The following DYSF variants were observed in gnomAD, a reference collection of about 807,000 sequenced individuals.
DYSF encodes dystrophy-associated fer-1-like 1.
Under a neutral mutation model 274.9 loss-of-function variants are expected in DYSF, and 212 were observed. The ratio of observed to expected loss-of-function variants is 0.77; its 90% confidence interval spans 0.69 to 0.86. DYSF has a LOEUF of 0.86. Ranked by LOEUF, DYSF falls within the 40% of genes least tolerant of loss-of-function variation. The pLI is 0.00. For synonymous variants in DYSF, 1,091 were observed against 1,078.7 expected, an observed-to-expected ratio of 1.01 and a Z score of -0.22; for missense variants, 2,666 against 2,783.2, an observed-to-expected ratio of 0.96 and a Z score of 0.95.
intron 16 of DYSF, 73 bp from the exon 17 acceptor site, chr2:71,539,084 G>A (rs919804129): frequency 1.4e-5 from 19 of 1,356,976 alleles, no homozygotes; most frequent in South Asian, 2.3e-5. Flanking sequence ...AACCGAGGCC[G>A]CATACTTCCT....
chr2:71,651,489 CA>C (rs1323345312), intron 42 of DYSF, among the ~76,000 whole-genome samples: 12 of 151,866 alleles, frequency 7.9e-5, no homozygotes, highest in Non-Finnish European at 1.5e-4. Flanking sequence ...CAAGAAGCAG[CA>C]AAAAATATGA....
At chr2:71,622,268 G>A (rs1320179601) in intron 41 of DYSF, among the ~76,000 whole-genome samples, 2 of 151,424 alleles carry the variant, frequency 1.3e-5, no homozygotes, top group African/African-American at 2.4e-5. Context: ...TCGAACTATC[G>A]CTAGAATATA....
chr2:71,645,896 G>GA (rs1272696478), intron 42 of DYSF, among the ~76,000 whole-genome samples: 22 of 152,178 alleles, frequency 1.4e-4, no homozygotes, highest in Admixed American at 5.2e-4. Flanking sequence ...AGACACATAG[G>GA]AAAGGCCCCA....
At chr2:71,574,478 G>T (rs2092633889) in intron 30 of DYSF, 107 bp downstream of exon 30, 2 of 1,382,416 alleles carry the variant, frequency 1.4e-6, no homozygotes, top group African/African-American at 2.9e-5. Context: ...TAGGACTTTT[G>T]GATGGAACGC....
chr2:71,675,679 G>A lies in DYSF; in HGVS notation c.5884+1383G>A, dbSNP rs367755032. Among the ~76,000 whole-genome samples, 7 of 152,270 alleles carry A rather than the reference G, an allele frequency of 4.6e-5. No homozygotes were observed. In the East Asian group the frequency reaches 1.2e-3, roughly 25 times the overall value. On this transcript the variant is annotated intron_variant, in intron 52 of 55. Coordinates refer to ENST00000410020, the MANE Select transcript of DYSF (RefSeq NM_001130987.2). ...ACTTATTATTTTGTACATAATTCCT[G>A]TAGAGGAATTAGAAAATGCAGGTAA...
At chr2:71,478,043 G>A (rs960705193) in intron 1 of DYSF, among the ~76,000 whole-genome samples, 10 of 129,224 alleles carry the variant, frequency 7.7e-5, no homozygotes, top group Admixed American at 6.9e-4. Context: ...GGAAGTTATA[G>A]TTTTTTTTTT....
chr2:71,465,577 G>T (rs142628482), upstream of DYSF, among the ~76,000 whole-genome samples: 2 of 152,350 alleles, frequency 1.3e-5, no homozygotes, highest in African/African-American at 4.8e-5. Flanking sequence ...GGGGGCAGGT[G>T]TGGAGGAGGC....
Position 71,553,986 on chromosome 2 carries a change from C to T in DYSF, c.2109+55C>T, listed in dbSNP as rs200802332. The T allele has an allele frequency of 3.7e-4, 602 of 1,612,548 alleles. 4 individuals are homozygous for T. Among genetic ancestry groups the T allele is most frequent in the South Asian group, 2.2e-3 (201 of 90,958 alleles). On this transcript the variant is annotated intron_variant, in intron 21 of 55. Transcript: ENST00000410020. Reference sequence around the variant, plus strand: ...TGCCTATGCATGCACCTGCTACCCCCGCTGCATGGGGTGTCTCAGACCACC... The same window carrying T: ...TGCCTATGCATGCACCTGCTACCCCTGCTGCATGGGGTGTCTCAGACCACC...
At chr2:71,477,454 T>A (rs2082483341) in intron 1 of DYSF, among the ~76,000 whole-genome samples, 1 of 152,122 alleles carries the variant, frequency 6.6e-6, no homozygotes, top group African/African-American at 2.4e-5. Context: ...GATGACCGCC[T>A]ACTACACAGA....
intron 9 of DYSF, 48 bp downstream of exon 9, chr2:71,516,290 A>G: frequency 1.9e-6 from 3 of 1,569,340 alleles, no homozygotes; most frequent in Non-Finnish European, 2.6e-6. Flanking sequence ...ATGTATGCAC[A>G]TAGGTGTCAG....
chr2:71,624,707 A>G (rs900780453), intron 41 of DYSF, among the ~76,000 whole-genome samples: 1 of 152,202 alleles, frequency 6.6e-6, no homozygotes, highest in South Asian at 2.1e-4. Flanking sequence ...GTGAAATTGT[A>G]TCTATGGTTT....
At chr2:71,604,949 A>C (rs1481701657) in intron 36 of DYSF, among the ~76,000 whole-genome samples, 1 of 152,040 alleles carries the variant, frequency 6.6e-6, no homozygotes, top group African/African-American at 2.4e-5. Context: ...GGCCTGTTGG[A>C]CAACAAACTT....
intron 55 of DYSF, among the ~76,000 whole-genome samples, chr2:71,684,193 G>A (rs2095328697): frequency 1.3e-5 from 2 of 152,230 alleles, no homozygotes; most frequent in African/African-American, 4.8e-5. Flanking sequence ...GTACGATGTG[G>A]GAGGCCTCTT....
Position 71,660,792 on chromosome 2 carries a change from G to A in DYSF, c.5003+141G>A, listed in dbSNP as rs906757874. On this transcript the variant is annotated intron_variant, in intron 45 of 55. Coordinates refer to ENST00000410020, the MANE Select transcript of DYSF (RefSeq NM_001130987.2). ...TTCCTTAAATCTTGCATGTCTATGG[G>A]GGCATAGCCTCAGTTAGCCCTTCTT... 5 of 742,784 alleles carry A rather than the reference G, an allele frequency of 6.7e-6. No individual in the cohort carries two copies. The African/African-American group carries it at 8.7e-5, about 13-fold the overall frequency. The allele number at this position is 742,784 out of a possible 1,614,324, so 46.0% of individuals were successfully genotyped here.
At chr2:71,499,218 T>C (rs779245107) in intron 3 of DYSF, among the ~76,000 whole-genome samples, 1 of 152,244 alleles carries the variant, frequency 6.6e-6, no homozygotes, top group Admixed American at 6.5e-5. Context: ...TCCTCTTTTT[T>C]ATGCAGCAAG....
intron 3 of DYSF, among the ~76,000 whole-genome samples, chr2:71,487,611 C>T (rs1392337872): frequency 6.6e-6 from 1 of 152,168 alleles, no homozygotes. Flanking sequence ...CAGGTTCAAG[C>T]GATTCTCCTG....
intron 3 of DYSF, among the ~76,000 whole-genome samples, chr2:71,482,923 A>T (rs1294069916): frequency 6.6e-6 from 1 of 152,014 alleles, no homozygotes; most frequent in Non-Finnish European, 1.5e-5. Context: ...TTTGTTTGGG[A>T]ACTGGGTCAG....
chr2:71,497,971 C>T (rs528229870), intron 3 of DYSF, among the ~76,000 whole-genome samples: 21 of 152,162 alleles, frequency 1.4e-4, no homozygotes, highest in African/African-American at 5.1e-4. Context: ...GTCTAGGGGC[C>T]AGGGGTGATT....
intron 30 of DYSF, among the ~76,000 whole-genome samples, chr2:71,575,967 C>T (rs1297838766): frequency 6.6e-6 from 1 of 152,224 alleles, no homozygotes; most frequent in African/African-American, 2.4e-5. Flanking sequence ...TCCCTCCAGC[C>T]AGCAAAGTCC....
Sources: allele counts gnomAD v4.1 joint callset (sites outside exome capture counted in the v4.1 genomes callset), GRCh38; gene constraint gnomAD v4.1.1; transcripts MANE v1.5; gene names NCBI Gene and HGNC (gene_info 2026-07-23, HGNC 2026-07-21).